Variants in WDR47 observed in about 807,000 individuals in gnomAD.
The protein encoded by WDR47 is WD repeat-containing protein 47.
A neutral mutation model predicts 97.2 loss-of-function variants in WDR47; 32 were observed. The ratio of observed to expected loss-of-function variants is 0.33; its 90% CI spans 0.25 to 0.44. The LOEUF (loss-of-function observed/expected upper bound fraction) is 0.44. Ranked by LOEUF, WDR47 falls within the 20% of genes least tolerant of loss-of-function variation. The pLI is 1.00. For synonymous variants in WDR47, 375 were observed against 373.5 expected, an observed-to-expected ratio of 1.00 and a Z score of -0.05; for missense variants, 782 against 1,102.3, an observed-to-expected ratio of 0.71 and a Z score of 4.11.
chr1:109,000,659 C>A (rs1225988593), intron 7 of WDR47, among the ~76,000 whole-genome samples: 1 of 151,494 alleles, frequency 6.6e-6, no homozygotes, highest in African/African-American at 2.4e-5. Context: ...CCAGCCTGGG[C>A]GACAGAGTGA....
chr1:109,024,520 T>C (rs1269457919), intron 1 of WDR47, among the ~76,000 whole-genome samples: 1 of 152,146 alleles, frequency 6.6e-6, no homozygotes, highest in East Asian at 1.9e-4. Flanking sequence ...TTCAATACTC[T>C]CTAAGCTTCC....
Position 108,992,839 on chromosome 1 carries a change from T to G in WDR47, c.1692-1510A>C, listed in dbSNP as rs1442626847. 13 of 1,481,778 alleles carry G rather than the reference T, an allele frequency of 8.8e-6. No homozygotes were observed. The East Asian group carries it at 2.9e-4, about 33-fold the overall frequency. The allele number at this position is 1,481,778 out of a possible 1,614,324, so 91.8% of individuals were successfully genotyped here. On this transcript the variant is annotated intron_variant, in intron 8 of 14. Coordinates refer to ENST00000369962, the MANE Select transcript of WDR47 (RefSeq NM_001142551.2). Reference sequence around the variant, plus strand: ...AAAAACTTATGGCACGGGAGTAAATTCAGCATTAAAATAAATGTAATTAAA... The same window carrying G: ...AAAAACTTATGGCACGGGAGTAAATGCAGCATTAAAATAAATGTAATTAAA...
intron 7 of WDR47, among the ~76,000 whole-genome samples, chr1:108,996,604 C>T (rs531003870): frequency 1.3e-5 from 2 of 152,134 alleles, no homozygotes; most frequent in African/African-American, 4.8e-5. Context: ...CAAATGGCAT[C>T]CCTAATACTC....
In WDR47 at chr1:109,017,574, A is replaced by G; in HGVS notation, c.186T>C (p.Asp62=). 1 of 1,612,556 alleles carries G rather than the reference A, an allele frequency of 6.2e-7. No individual in the cohort carries two copies. Among genetic ancestry groups the G allele is most frequent in the Non-Finnish European group, 8.5e-7 (1 of 1,179,738 alleles). ...LRQLILDGQW[D]EVLQFIQPLE... ...GAGGCTGAATGAACTGAAGAACTTC[A>G]TCCCATTGACCATCAAGTATTAGCT... Residue 62 remains aspartate (D), a synonymous_variant, in exon 3 of 15, where the codon GAT becomes GAC. Coordinates refer to ENST00000369962, the MANE Select transcript of WDR47 (RefSeq NM_001142551.2).
Position 108,997,116 on chromosome 1 carries a change from C to CAA in WDR47, c.1434-1281_1434-1280dup, listed in dbSNP as rs66580765. Among the ~76,000 whole-genome samples, 535 of 134,972 alleles carry CAA rather than the reference C, an allele frequency of 4.0e-3. 7 individuals carry two copies. The highest frequency in any genetic ancestry group is 0.014 in the African/African-American group (511 of 37,296). The allele number at this position is 134,972 out of a possible 152,430, so 88.5% of individuals were successfully genotyped here. A position where few individuals can be genotyped will look rare whatever the true frequency, so the allele number is the denominator to read the frequency against. Reference sequence around the variant, plus strand: ...GGGCGACAGAGCAAGTCTCCATCTCCAAAAAAAAAAAAAGAAGTTAGACCC... The same window carrying CAA: ...GGGCGACAGAGCAAGTCTCCATCTCCAAAAAAAAAAAAAAAGAAGTTAGACCC... On this transcript the variant is annotated intron_variant, in intron 7 of 14. Coordinates refer to ENST00000369962, the MANE Select transcript of WDR47 (RefSeq NM_001142551.2).
intron 5 of WDR47, among the ~76,000 whole-genome samples, chr1:109,005,915 C>T (rs1207541175): frequency 6.6e-6 from 1 of 151,772 alleles, no homozygotes; most frequent in East Asian, 1.9e-4. Flanking sequence ...AGTTGTGTGG[C>T]CTTGGGACAG....
intron 5 of WDR47, among the ~76,000 whole-genome samples, chr1:109,008,490 T>C (rs1198978570): frequency 2.0e-5 from 3 of 152,280 alleles, no homozygotes; most frequent in East Asian, 3.9e-4. Context: ...CTCAAACTTC[T>C]GACCTCAGGT....
intron 3 of WDR47, among the ~76,000 whole-genome samples, chr1:109,017,237 T>TA (rs912363792): frequency 8.6e-5 from 13 of 151,860 alleles, no homozygotes; most frequent in African/African-American, 2.9e-4. Context: ...ACCCTAACTC[T>TA]AAAAAAAATA....
chr1:109,032,505 C>CA (rs35413882), intron 1 of WDR47, among the ~76,000 whole-genome samples: 68,229 of 84,956 alleles, frequency 0.8, 27,491 homozygotes, highest in Non-Finnish European at 0.88. Context: ...GAGACTGTCT[C>CA]AAAAAAAAAA....
At chr1:109,040,362 GAA>G (rs1258586895) in intron 1 of WDR47, among the ~76,000 whole-genome samples, 1 of 152,178 alleles carries the variant, frequency 6.6e-6, no homozygotes, top group South Asian at 2.1e-4. Flanking sequence ...TCACAAACAG[GAA>G]AAGAGGTTGA....
At chr1:109,004,764 AG>A (rs1213704652) in intron 5 of WDR47, 49 bp from the exon 6 acceptor site, 2 of 1,530,182 alleles carry the variant, frequency 1.3e-6, no homozygotes, top group Admixed American at 2.3e-5. Flanking sequence ...GGGGGAGTAA[AG>A]GAAAATATAT....
intron 1 of WDR47, among the ~76,000 whole-genome samples, chr1:109,033,301 A>T (rs1344476425): frequency 6.6e-6 from 1 of 152,160 alleles, no homozygotes; most frequent in Non-Finnish European, 1.5e-5. Flanking sequence ...CCTCAAAAGG[A>T]AAAACAAAAA....
At chr1:108,990,715 G>A (rs1257981743) in intron 9 of WDR47, among the ~76,000 whole-genome samples, 2 of 151,978 alleles carry the variant, frequency 1.3e-5, no homozygotes, top group Non-Finnish European at 2.9e-5. Context: ...GAGTGAAGCT[G>A]TATACTAGCT....
At chr1:109,031,291 G>A (rs1400961904) in intron 1 of WDR47, among the ~76,000 whole-genome samples, 1 of 140,054 alleles carries the variant, frequency 7.1e-6, no homozygotes, top group Non-Finnish European at 1.6e-5. Context: ...CTGGAACTGT[G>A]AATGATTTTT....
chr1:109,021,034 A>C (rs11102813), intron 2 of WDR47, among the ~76,000 whole-genome samples: 62,071 of 151,926 alleles, frequency 0.41, 13,129 homozygotes, highest in East Asian at 0.64. Flanking sequence ...CCACATGTCC[A>C]AGAATCTGTA....
At chr1:108,980,209 T>C (rs1182521483) in intron 13 of WDR47, among the ~76,000 whole-genome samples, 1 of 151,358 alleles carries the variant, frequency 6.6e-6, no homozygotes, top group African/African-American at 2.4e-5. Context: ...TAAACTGTCA[T>C]ATATTAATTT....
chr1:109,017,568 A>G lies in WDR47; in HGVS notation c.192T>C (p.Val64=). The change falls in exon 3 of 15, where the codon GTT becomes GTC. Residue 64 remains valine (V), a synonymous_variant. Transcript: ENST00000369962. ...ATTCTAGAGGCTGAATGAACTGAAG[A>G]ACTTCATCCCATTGACCATCAAGTA... is the stretch of plus-strand genomic sequence containing the variant. ...QLILDGQWDE[V]LQFIQPLECM... 6.2e-7 allele frequency: 1 copy of G among 1,612,630 alleles called. No individual in the cohort carries two copies. Among genetic ancestry groups the G allele is most frequent in the Non-Finnish European group, 8.5e-7 (1 of 1,179,740 alleles).
intron 4 of WDR47, among the ~76,000 whole-genome samples, chr1:109,012,937 T>C (rs531509191): frequency 2.6e-5 from 4 of 152,314 alleles, no homozygotes; most frequent in South Asian, 4.1e-4. Context: ...AATCCTTTGG[T>C]TTTTGCCTCA....
chr1:108,990,149 C>A (rs1280293061), intron 9 of WDR47, among the ~76,000 whole-genome samples: 2 of 151,976 alleles, frequency 1.3e-5, no homozygotes, highest in Non-Finnish European at 2.9e-5. Flanking sequence ...ATTGCTTGAG[C>A]CCAGGAATTT....
Sources: gnomAD v4.1 joint callset for allele counts (sites outside exome capture counted in the v4.1 genomes callset) on GRCh38, gnomAD v4.1.1 for gene constraint, MANE v1.5 for transcripts, NCBI Gene and HGNC (gene_info 2026-07-23, HGNC 2026-07-21) for gene names.